Variants in PRR16 observed in about 807,000 individuals in gnomAD.
PRR16 encodes protein Largen.
A neutral mutation model predicts 18.2 loss-of-function variants in PRR16; 6 were observed. That is an observed-to-expected ratio of 0.33 (90% CI 0.18 to 0.65). The LOEUF (loss-of-function observed/expected upper bound fraction) is 0.65. Among genes scored for constraint, PRR16 ranks in the 30% least tolerant of loss-of-function variants. The probability of loss-of-function intolerance (pLI) is 0.74; values close to 1 mark genes in which losing one functional copy is unlikely to be tolerated. For synonymous variants in PRR16, 151 were observed against 147.8 expected, an observed-to-expected ratio of 1.02 and a Z score of -0.16; for missense variants, 412 against 376.6, an observed-to-expected ratio of 1.09 and a Z score of -0.78.
the PRR16 span, among the ~76,000 whole-genome samples, chr5:120,765,352 C>T: frequency 1.3e-5 from 2 of 152,096 alleles, no homozygotes; most frequent in East Asian, 1.9e-4. Context: ...AAGTCTCTTA[C>T]GTGTATAAAT....
At chr5:120,634,425 A>G (rs544383792) in intron 1 of PRR16, among the ~76,000 whole-genome samples, 18 of 152,176 alleles carry the variant, frequency 1.2e-4, no homozygotes, top group South Asian at 4.1e-4. Flanking sequence ...AGGGGGATCA[A>G]TTGAGGTGAG....
intron 1 of PRR16, among the ~76,000 whole-genome samples, chr5:120,656,368 T>A (rs1755976140): frequency 6.6e-6 from 1 of 150,710 alleles, no homozygotes; most frequent in Non-Finnish European, 1.5e-5. Context: ...AGATAAGTGG[T>A]AGCTATCATG....
chr5:120,755,214 TA>T, the PRR16 span, among the ~76,000 whole-genome samples: 1 of 151,560 alleles, frequency 6.6e-6, no homozygotes, highest in African/African-American at 2.4e-5. Context: ...AAAAAAAATC[TA>T]AAAAAAATAA....
intron 1 of PRR16, among the ~76,000 whole-genome samples, chr5:120,637,561 C>G (rs1207580669): frequency 6.6e-6 from 1 of 152,120 alleles, no homozygotes; most frequent in East Asian, 1.9e-4. Context: ...AATGGAAAAT[C>G]AAACATGTTC....
At chr5:120,678,085 A>C (rs966374653) in intron 1 of PRR16, among the ~76,000 whole-genome samples, 1 of 151,368 alleles carries the variant, frequency 6.6e-6, no homozygotes, top group Non-Finnish European at 1.5e-5. Flanking sequence ...AATTTTTTGT[A>C]TTTTTAGTAG....
chr5:120,651,166 G>A (rs1457530948), intron 1 of PRR16, among the ~76,000 whole-genome samples: 3 of 152,054 alleles, frequency 2.0e-5, no homozygotes, highest in Non-Finnish European at 4.4e-5. Context: ...CCCACTTTTT[G>A]ATGGGGTTGT....
In PRR16 at chr5:120,686,737, T is replaced by G; in HGVS notation, c.*28T>G. Reference sequence around the variant, plus strand: ...TATGCCATTAAAAAAATTGTTTTTTTAATTTTCTATATTATAAACATAAAA... The same window carrying G: ...TATGCCATTAAAAAAATTGTTTTTTGAATTTTCTATATTATAAACATAAAA... On this transcript the variant is annotated 3_prime_UTR_variant, in exon 2 of 2. Coordinates refer to ENST00000407149, the MANE Select transcript of PRR16 (RefSeq NM_001300783.2). 2.9e-6 allele frequency: 4 copies of G among 1,390,170 alleles called. No homozygotes were observed. In the East Asian group the frequency reaches 1.0e-4, roughly 35 times the overall value. The allele number at this position is 1,390,170 out of a possible 1,614,324, so 86.1% of individuals were successfully genotyped here. A position where few individuals can be genotyped will look rare whatever the true frequency, so the allele number is the denominator to read the frequency against.
intron 1 of PRR16, among the ~76,000 whole-genome samples, chr5:120,580,316 A>G (rs190006979): frequency 6.6e-6 from 1 of 152,268 alleles, no homozygotes; most frequent in East Asian, 1.9e-4. Context: ...ATCAGTTTTC[A>G]AAGGGAATGC....
chr5:120,780,121 A>G, the PRR16 span, among the ~76,000 whole-genome samples: 1 of 152,170 alleles, frequency 6.6e-6, no homozygotes, highest in Non-Finnish European at 1.5e-5. Context: ...CTCAAAAACT[A>G]TCTTGTACAG....
At chr5:120,703,285 T>G in the PRR16 span, among the ~76,000 whole-genome samples, 1 of 152,114 alleles carries the variant, frequency 6.6e-6, no homozygotes, top group Admixed American at 6.5e-5. Context: ...GGTGGAATGT[T>G]ATCAGTTAAG....
the PRR16 span, among the ~76,000 whole-genome samples, chr5:120,727,513 G>A: frequency 6.6e-6 from 1 of 151,996 alleles, no homozygotes; most frequent in Non-Finnish European, 1.5e-5. Context: ...ACCTTTCACC[G>A]ACATCACCCA....
the PRR16 span, among the ~76,000 whole-genome samples, chr5:120,732,745 A>G: frequency 6.6e-6 from 1 of 152,202 alleles, no homozygotes; most frequent in African/African-American, 2.4e-5. Context: ...AGGAGGAGGT[A>G]CTGGTAGACC....
intron 1 of PRR16, among the ~76,000 whole-genome samples, chr5:120,621,953 ATTAT>A (rs1271628862): frequency 6.6e-6 from 1 of 152,250 alleles, no homozygotes; most frequent in Admixed American, 6.5e-5. Flanking sequence ...GGCTCACTGT[ATTAT>A]TTCAGTTCCA....
chr5:120,747,904 A>C, the PRR16 span, among the ~76,000 whole-genome samples: 9 of 152,256 alleles, frequency 5.9e-5, no homozygotes, highest in African/African-American at 1.9e-4. Flanking sequence ...AGTTCCAAAA[A>C]ATTAGAAAAT....
At chr5:120,660,401 C>A (rs1019031028) in intron 1 of PRR16, among the ~76,000 whole-genome samples, 2 of 151,984 alleles carry the variant, frequency 1.3e-5, no homozygotes, top group Non-Finnish European at 2.9e-5. Flanking sequence ...TGAGAATCTA[C>A]ATTTAAATAA....
intron 1 of PRR16, among the ~76,000 whole-genome samples, chr5:120,533,322 T>A (rs1481543061): frequency 6.6e-6 from 1 of 152,204 alleles, no homozygotes; most frequent in Non-Finnish European, 1.5e-5. Flanking sequence ...TATCAGTAAA[T>A]TAAGCAGACA....
At chr5:120,540,060 G>A (rs1014793043) in intron 1 of PRR16, among the ~76,000 whole-genome samples, 4 of 152,256 alleles carry the variant, frequency 2.6e-5, no homozygotes, top group South Asian at 2.1e-4. Context: ...TTTGAAACCA[G>A]TTTACTTTTG....
chr5:120,775,794 C>CTTTTTTTTTTTTT, the PRR16 span, among the ~76,000 whole-genome samples: 7 of 122,570 alleles, frequency 5.7e-5, 1 homozygote, highest in African/African-American at 1.0e-4. Flanking sequence ...CTACGCCTGG[C>CTTTTTTTTTTTTT]TATTTTTTTT....
intron 1 of PRR16, among the ~76,000 whole-genome samples, chr5:120,498,902 A>AT: frequency 6.6e-6 from 1 of 151,660 alleles, no homozygotes; most frequent in African/African-American, 2.4e-5. Flanking sequence ...TTTAAATTAT[A>AT]TTTTTCCCTG....
Sources: gnomAD v4.1 joint callset for allele counts (sites outside exome capture counted in the v4.1 genomes callset) on GRCh38, gnomAD v4.1.1 for gene constraint, MANE v1.5 for transcripts, NCBI Gene and HGNC (gene_info 2026-07-23, HGNC 2026-07-21) for gene names.